The following ZFHX3 variants were observed in gnomAD, a reference collection of about 807,000 sequenced individuals.
ZFHX3 encodes zinc finger homeobox protein 3.
A neutral mutation model predicts 279.1 loss-of-function variants in ZFHX3; 42 were observed. The observed-to-expected ratio is 0.15, with a 90% CI of 0.12 to 0.19. ZFHX3 has a LOEUF of 0.19. ZFHX3 is among the 10% of genes least tolerant of loss of function. The probability of loss-of-function intolerance (pLI) is 1.00; values close to 1 mark genes in which losing one functional copy is unlikely to be tolerated. For missense variants in ZFHX3, 4,981 were observed against 4,754.0 expected, an observed-to-expected ratio of 1.05 and a Z score of -1.40; for synonymous variants, 2,293 against 1,957.8, an observed-to-expected ratio of 1.17 and a Z score of -4.52.
In ZFHX3 at chr16:72,957,832, C is replaced by G; in HGVS notation, c.2314G>C (p.Ala772Pro). The G allele has an allele frequency of 6.8e-6, 11 of 1,612,482 alleles. No individual in the cohort carries two copies. Among genetic ancestry groups the G allele is most frequent in the Non-Finnish European group, 9.3e-6 (11 of 1,179,282 alleles). Residue 772 changes from alanine to proline, a missense_variant, in exon 2 of 10, where the codon GCG becomes CCG. This residue lies in a region of ZFHX3 where 1,751 missense variants were observed against 1,770.0 expected (regional missense o/e 0.99). Transcript: ENST00000268489. ...GCCGCAGCCACCGCCGCCGCCGCCG[C>G]CCCGGCAGTGTGGCTGAAGACCTGC... ...GEQVFSHTAG[A>P]AAAAVAAAAA...
chr16:73,842,835 C>T (rs1314363023), intron 1 of ZFHX3, among the ~76,000 whole-genome samples: 1 of 152,132 alleles, frequency 6.6e-6, no homozygotes, highest in Non-Finnish European at 1.5e-5. Flanking sequence ...CCCTCCCCAC[C>T]CACCGCCACC....
At chr16:73,165,139 A>G (rs1310943429) in intron 5 of ZFHX3, among the ~76,000 whole-genome samples, 1 of 152,184 alleles carries the variant, frequency 6.6e-6, no homozygotes, top group East Asian at 1.9e-4. Flanking sequence ...ACCTCAAAAA[A>G]TCCTACCAGG....
At chr16:73,579,107 C>T (rs1309441165) in intron 2 of ZFHX3, among the ~76,000 whole-genome samples, 1 of 152,196 alleles carries the variant, frequency 6.6e-6, no homozygotes, top group Non-Finnish European at 1.5e-5. Flanking sequence ...CGTGATAAAA[C>T]CTTAGTCTCC....
chr16:73,023,733 A>G (rs1237416975), intron 1 of ZFHX3, among the ~76,000 whole-genome samples: 1 of 152,212 alleles, frequency 6.6e-6, no homozygotes, highest in East Asian at 1.9e-4. Flanking sequence ...ATAACCTCAA[A>G]GGCTTCATGT....
intron 3 of ZFHX3, among the ~76,000 whole-genome samples, chr16:73,329,105 CAAGT>C (rs1363667450): frequency 6.6e-6 from 1 of 152,238 alleles, no homozygotes; most frequent in Non-Finnish European, 1.5e-5. Context: ...AGTTTGCAAG[CAAGT>C]GTCTAGTTAA....
chr16:73,231,226 C>G (rs1372818505), intron 5 of ZFHX3, among the ~76,000 whole-genome samples: 2 of 152,180 alleles, frequency 1.3e-5, no homozygotes, highest in East Asian at 3.9e-4. Flanking sequence ...AATCTGAGGC[C>G]TCATCCCCAA....
At chr16:73,062,509 A>C (rs1965696661), upstream of ZFHX3, among the ~76,000 whole-genome samples, 1 of 152,184 alleles carries the variant, frequency 6.6e-6, no homozygotes. Context: ...TGAAGATGTG[A>C]ATGGTGAATT....
intron 1 of ZFHX3, among the ~76,000 whole-genome samples, chr16:73,805,590 G>A (rs962308738): frequency 9.8e-5 from 15 of 152,366 alleles, no homozygotes; most frequent in African/African-American, 3.4e-4. Context: ...TGGAATAGAT[G>A]AAGGAGTGGA....
rs2035962750 is a variant in ZFHX3 at position 72,797,707 on chromosome 16, C to T, written c.4975G>A (p.Gly1659Ser). The T allele has an allele frequency of 6.2e-7, 1 of 1,614,122 alleles. No homozygotes were observed. The highest frequency in any genetic ancestry group is 8.5e-7 in the Non-Finnish European group (1 of 1,180,026). Reference sequence around the variant, plus strand: ...TTGGAGGTGGTAAAGGTGTTACTGCCACTGGTGCTCACAGGACTTGGCGTG... The same window carrying T: ...TTGGAGGTGGTAAAGGTGTTACTGCTACTGGTGCTCACAGGACTTGGCGTG... Reference protein sequence around the residue: ...SSTPSPVSTSGSNTFTTSNPS... With the variant: ...SSTPSPVSTSSSNTFTTSNPS... Residue 1659 changes from glycine to serine, a missense_variant, in exon 9 of 10, where the codon GGC becomes AGC. Gly to Ser is a moderately conservative substitution (Grantham distance 56). Transcript: ENST00000268489.
intron 4 of ZFHX3, among the ~76,000 whole-genome samples, chr16:72,868,172 G>A (rs1400298635): frequency 6.6e-6 from 1 of 152,196 alleles, no homozygotes; most frequent in Non-Finnish European, 1.5e-5. Context: ...TGGGTGCAAG[G>A]GTCAGTGGTA....
intron 5 of ZFHX3, among the ~76,000 whole-genome samples, chr16:73,239,643 A>G (rs2013058844): frequency 6.6e-6 from 1 of 152,210 alleles, no homozygotes; most frequent in South Asian, 2.1e-4. Context: ...GCACTCAATT[A>G]GTACCTGGTG....
intron 4 of ZFHX3, among the ~76,000 whole-genome samples, chr16:72,886,735 G>T (rs1476605510): frequency 1.3e-5 from 2 of 152,154 alleles, no homozygotes; most frequent in African/African-American, 4.8e-5. Flanking sequence ...AGGAGAATCC[G>T]GGGAATGACT....
At chr16:72,877,689 T>C (rs1449464804) in intron 4 of ZFHX3, among the ~76,000 whole-genome samples, 1 of 152,212 alleles carries the variant, frequency 6.6e-6, no homozygotes, top group Non-Finnish European at 1.5e-5. Context: ...AAAAAACTTC[T>C]GATCCCTGGG....
chr16:72,818,588 T>C (rs996419066), intron 5 of ZFHX3, among the ~76,000 whole-genome samples: 2 of 152,172 alleles, frequency 1.3e-5, no homozygotes, highest in African/African-American at 2.4e-5. Context: ...CCAAGAGGAA[T>C]AGGGGAAGAG....
At chr16:73,268,300 T>G (rs1001213552) in intron 4 of ZFHX3, among the ~76,000 whole-genome samples, 3 of 152,152 alleles carry the variant, frequency 2.0e-5, no homozygotes, top group Non-Finnish European at 4.4e-5. Context: ...GGGAGATGCT[T>G]TAGAATGTGG....
Position 72,796,946 on chromosome 16 carries a change from G to A in ZFHX3, c.5736C>T (p.Ala1912=). ...NTGPKETLPD[A]LKAKEKKELA... ...ACTCTTTCTTCTCTTTGGCCTTCAA[G>A]GCATCTGGCAGTGTTTCCTTCGGAC... Residue 1912 remains alanine, a synonymous_variant, in exon 9 of 10, where the codon GCC becomes GCT. Transcript: ENST00000268489. 6.2e-7 allele frequency: 1 copy of A among 1,613,944 alleles called. No homozygotes were observed. The highest frequency in any genetic ancestry group is 8.5e-7 in the Non-Finnish European group (1 of 1,179,996).
At chr16:73,040,463 C>T (rs1280695893) in intron 1 of ZFHX3, among the ~76,000 whole-genome samples, 1 of 152,014 alleles carries the variant, frequency 6.6e-6, no homozygotes, top group Non-Finnish European at 1.5e-5. Context: ...TTAGCATACA[C>T]AAGCCAGCCG....
At chr16:73,537,885 G>C (rs1225707278) in intron 2 of ZFHX3, among the ~76,000 whole-genome samples, 1 of 152,208 alleles carries the variant, frequency 6.6e-6, no homozygotes, top group Non-Finnish European at 1.5e-5. Flanking sequence ...AAGCCACAAA[G>C]TAGTATCTTG....
chr16:73,777,169 T>C (rs1434245157), intron 1 of ZFHX3, among the ~76,000 whole-genome samples: 1 of 152,158 alleles, frequency 6.6e-6, no homozygotes, highest in Non-Finnish European at 1.5e-5. Flanking sequence ...CAAGGATCCC[T>C]GTCCTCCGCC....
Sources: gnomAD v4.1 joint callset for allele counts (sites outside exome capture counted in the v4.1 genomes callset) on GRCh38, gnomAD v4.1.1 for gene constraint, gnomAD v4.1.1 regional missense constraint, MANE v1.5 for transcripts, NCBI Gene and HGNC (gene_info 2026-07-23, HGNC 2026-07-21) for gene names.